Variants in ALCAM observed in about 807,000 individuals in gnomAD.
ALCAM encodes the protein CD166 antigen.
ALCAM carries 30 observed loss-of-function variants against 70.9 expected under a neutral mutation model. That is an observed-to-expected ratio of 0.42 (90% CI 0.32 to 0.57). ALCAM has a LOEUF of 0.57. ALCAM is among the 20% of genes least tolerant of loss of function. The probability of loss-of-function intolerance (pLI) is 0.11; values close to 1 mark genes in which losing one functional copy is unlikely to be tolerated. For synonymous variants in ALCAM, 249 were observed against 242.5 expected (o/e 1.03, Z -0.25); for missense variants, 591 against 695.1 (o/e 0.85, Z 1.68).
At chr3:105,487,604 GA>G (rs1369464134) in intron 1 of ALCAM, among the ~76,000 whole-genome samples, 9 of 152,168 alleles carry the variant, frequency 5.9e-5, no homozygotes, top group Non-Finnish European at 1.3e-4. Context: ...AGAAACAGAA[GA>G]GTTATCAAGT....
In ALCAM at chr3:105,378,529, T is replaced by C. The variant is rs570756365; in HGVS notation, c.73+11048T>C. 4.8e-5 allele frequency among the ~76,000 whole-genome samples: 7 copies of C among 145,494 alleles called. No homozygotes were observed. The South Asian group carries it at 1.5e-3, about 32-fold the overall frequency. On this transcript the variant is annotated intron_variant, in intron 1 of 15. Coordinates refer to ENST00000306107, the MANE Select transcript of ALCAM (RefSeq NM_001627.4). ...CTAAGTATGAATAACAGTTTTGATATCAGATCTAAGAGTAAAATGTAATTT... is the reference window on the plus strand; with the variant it reads ...CTAAGTATGAATAACAGTTTTGATACCAGATCTAAGAGTAAAATGTAATTT...
intron 1 of ALCAM, among the ~76,000 whole-genome samples, chr3:105,511,478 G>A (rs1428641915): frequency 6.6e-6 from 1 of 151,946 alleles, no homozygotes; most frequent in Non-Finnish European, 1.5e-5. Flanking sequence ...GCTGACTTCA[G>A]TTCTTAAAGA....
At chr3:105,522,487 G>A (rs777194796) in intron 2 of ALCAM, among the ~76,000 whole-genome samples, 1 of 152,114 alleles carries the variant, frequency 6.6e-6, no homozygotes, top group Admixed American at 6.5e-5. Context: ...AAAATGAGCC[G>A]AAGTAAACAT....
intron 1 of ALCAM, among the ~76,000 whole-genome samples, chr3:105,482,155 C>T (rs954586766): frequency 5.3e-5 from 8 of 152,046 alleles, no homozygotes; most frequent in African/African-American, 1.9e-4. Flanking sequence ...CTCTGTCGCC[C>T]ACGCTAGAAT....
intron 1 of ALCAM, among the ~76,000 whole-genome samples, chr3:105,420,696 G>A (rs1365013959): frequency 6.6e-6 from 1 of 151,638 alleles, no homozygotes; most frequent in Non-Finnish European, 1.5e-5. Flanking sequence ...AGCTTCTAAA[G>A]ATCTAGAGAC....
chr3:105,411,557 C>A (rs1936391912), intron 1 of ALCAM, among the ~76,000 whole-genome samples: 1 of 152,066 alleles, frequency 6.6e-6, no homozygotes, highest in Admixed American at 6.6e-5. Context: ...CCTCTTTACA[C>A]GTTTCCATTC....
At chr3:105,559,561 C>T (rs13067252) in intron 14 of ALCAM, among the ~76,000 whole-genome samples, 10,496 of 151,826 alleles carry the variant, frequency 0.069, 436 homozygotes, top group African/African-American at 0.1. Flanking sequence ...TAATCTCATT[C>T]GTAAGGGCTC....
intron 14 of ALCAM, among the ~76,000 whole-genome samples, chr3:105,564,684 G>GT (rs1315491532): frequency 6.6e-6 from 1 of 152,176 alleles, no homozygotes; most frequent in Non-Finnish European, 1.5e-5. Flanking sequence ...TTTCTGGCTT[G>GT]TATTGTTTTT....
chr3:105,463,735 A>G (rs1298728874), intron 1 of ALCAM, among the ~76,000 whole-genome samples: 1 of 151,322 alleles, frequency 6.6e-6, no homozygotes. Context: ...TGAATGTGTT[A>G]TAAAATTTAA....
At chr3:105,470,494 AT>A (rs1238769843) in intron 1 of ALCAM, among the ~76,000 whole-genome samples, 1 of 151,258 alleles carries the variant, frequency 6.6e-6, no homozygotes, top group Non-Finnish European at 1.5e-5. Flanking sequence ...TTAAATTATA[AT>A]TAAAATAATT....
intron 1 of ALCAM, among the ~76,000 whole-genome samples, chr3:105,395,137 G>T (rs570417417): frequency 6.6e-6 from 1 of 151,762 alleles, no homozygotes; most frequent in Admixed American, 6.6e-5. Context: ...TCAAATGACC[G>T]CCCTGCCAAC....
intron 1 of ALCAM, among the ~76,000 whole-genome samples, chr3:105,380,800 C>A (rs1350902628): frequency 6.6e-6 from 1 of 151,878 alleles, no homozygotes; most frequent in Non-Finnish European, 1.5e-5. Context: ...ATTTAAAAAT[C>A]TCATATTGAA....
intron 14 of ALCAM, among the ~76,000 whole-genome samples, chr3:105,562,340 A>G (rs1158102258): frequency 2.0e-5 from 3 of 152,194 alleles, no homozygotes; most frequent in Non-Finnish European, 4.4e-5. Context: ...CTAGATTACC[A>G]GTAGTTTTTA....
At position 105,520,065 on chromosome 3, in the gene ALCAM, A is replaced by C. The variant is rs865794275; in HGVS notation, c.74-2A>C. 6.4e-7 allele frequency: 1 copy of C among 1,568,388 alleles called. No individual in the cohort carries two copies. The highest frequency in any genetic ancestry group is 8.7e-7 in the Non-Finnish European group (1 of 1,153,584). Reference sequence around the variant, plus strand: ...TTCTTCCTTTTTTTTTTTCCCCCAAAGGCCTTGGATGGTATACTGTAAATT... The same window carrying C: ...TTCTTCCTTTTTTTTTTTCCCCCAACGGCCTTGGATGGTATACTGTAAATT... On this transcript the variant is annotated splice_acceptor_variant, in intron 1 of 15. Coordinates refer to ENST00000306107, the MANE Select transcript of ALCAM (RefSeq NM_001627.4). LOFTEE classifies it high-confidence loss of function.
At chr3:105,524,198 T>C (rs1246621250) in intron 2 of ALCAM, 91 bp from the exon 3 acceptor site, 4 of 1,057,216 alleles carry the variant, frequency 3.8e-6, no homozygotes, top group Non-Finnish European at 5.4e-6. Context: ...TAGATATTGG[T>C]AGAATATGGC....
At chr3:105,373,137 T>C (rs1935279349) in intron 1 of ALCAM, among the ~76,000 whole-genome samples, 1 of 152,008 alleles carries the variant, frequency 6.6e-6, no homozygotes, top group Non-Finnish European at 1.5e-5. Context: ...ATGTTATGAG[T>C]TGGGTTAGCA....
At chr3:105,412,112 A>G (rs1488135579) in intron 1 of ALCAM, among the ~76,000 whole-genome samples, 4 of 152,050 alleles carry the variant, frequency 2.6e-5, no homozygotes, top group African/African-American at 9.7e-5. Flanking sequence ...TATAAGTAAA[A>G]CCCTGAGAAA....
intron 7 of ALCAM, 108 bp from the exon 8 acceptor site, chr3:105,541,525 A>G: frequency 1.7e-6 from 2 of 1,205,310 alleles, no homozygotes; most frequent in Admixed American, 2.4e-5. Flanking sequence ...AATGAAACAC[A>G]TTCCCTTTTT....
intron 1 of ALCAM, among the ~76,000 whole-genome samples, chr3:105,436,339 T>TTTCA: frequency 6.6e-6 from 1 of 152,040 alleles, no homozygotes; most frequent in East Asian, 1.9e-4. Context: ...GTTTATTTTA[T>TTTCA]TTTATTTATT....
Sources: allele counts gnomAD v4.1 joint callset (sites outside exome capture counted in the v4.1 genomes callset), GRCh38; gene constraint gnomAD v4.1.1; transcripts MANE v1.5; gene names NCBI Gene and HGNC (gene_info 2026-07-23, HGNC 2026-07-21).